Variants in GABRA6 observed in about 807,000 individuals in gnomAD.
GABRA6 encodes the protein gamma-aminobutyric acid type A receptor subunit alpha6, also known as gamma-aminobutyric acid receptor subunit alpha-6.
In GABRA6, 45 loss-of-function variants were observed where a neutral mutation model predicts 47.3. The ratio of observed to expected loss-of-function variants is 0.95; its 90% confidence interval spans 0.75 to 1.22. GABRA6 has a LOEUF of 1.22. Ranked by LOEUF, GABRA6 falls within the 50% of genes most tolerant of loss-of-function variation. The probability of loss-of-function intolerance (pLI) is 0.00; values close to 1 mark genes in which losing one functional copy is unlikely to be tolerated. For synonymous variants in GABRA6, 219 were observed against 194.7 expected, an observed-to-expected ratio of 1.12 and a Z score of -1.04; for missense variants, 583 against 549.3, an observed-to-expected ratio of 1.06 and a Z score of -0.61.
At chr5:161,695,130 T>C (rs1754865933) in intron 8 of GABRA6, among the ~76,000 whole-genome samples, 1 of 152,182 alleles carries the variant, frequency 6.6e-6, no homozygotes. Context: ...GTTGTATATT[T>C]TAATATGTTC....
chr5:161,697,323 C>CG (rs1754901598), intron 8 of GABRA6, among the ~76,000 whole-genome samples: 1 of 152,192 alleles, frequency 6.6e-6, no homozygotes, highest in Admixed American at 6.5e-5. Flanking sequence ...GTAGCTTAAA[C>CG]GGCTCACAAA....
At chr5:161,688,496 T>C (rs928402344) in intron 3 of GABRA6, among the ~76,000 whole-genome samples, 1 of 152,174 alleles carries the variant, frequency 6.6e-6, no homozygotes, top group African/African-American at 2.4e-5. Context: ...AAGGTTTATC[T>C]ATGTGTGGAA....
intron 3 of GABRA6, 85 bp downstream of exon 3, chr5:161,687,088 C>A: frequency 1.9e-6 from 2 of 1,072,870 alleles, no homozygotes; most frequent in Non-Finnish European, 2.9e-6. Context: ...GCATTGCCGC[C>A]AAGCTTGGCT....
Position 161,689,347 on chromosome 5 carries a change from A to G in GABRA6, c.529+11A>G. The G allele has an allele frequency of 6.8e-6, 11 of 1,610,928 alleles. No individual in the cohort carries two copies. Among genetic ancestry groups the G allele is most frequent in the Non-Finnish European group, 9.3e-6 (11 of 1,177,114 alleles). On this transcript the variant is annotated intron_variant, in intron 5 of 8. Transcript: ENST00000274545. ...TCAAGTTTGGGAGCTGTAAGTTACA[A>G]CAGGCTTCTGAGAGTCAAATAATAC...
chr5:161,693,193 C>A (rs1377248841), intron 8 of GABRA6, among the ~76,000 whole-genome samples: 3 of 151,960 alleles, frequency 2.0e-5, no homozygotes, highest in African/African-American at 4.8e-5. Context: ...AGTTTTAAAG[C>A]GATTTGTTTT....
intron 8 of GABRA6, among the ~76,000 whole-genome samples, chr5:161,696,334 C>T (rs1754885586): frequency 6.7e-6 from 1 of 150,196 alleles, no homozygotes; most frequent in African/African-American, 2.5e-5. Context: ...ACCTTGCCTA[C>T]TCCAAATATT....
At chr5:161,690,743 A>T (rs1754775615) in intron 7 of GABRA6, among the ~76,000 whole-genome samples, 1 of 152,232 alleles carries the variant, frequency 6.6e-6, no homozygotes, top group Admixed American at 6.5e-5. Flanking sequence ...GTTGAACCAT[A>T]TAAAATTGTC....
intron 2 of GABRA6, 53 bp downstream of exon 2, chr5:161,686,401 T>G: frequency 7.1e-7 from 1 of 1,409,326 alleles, no homozygotes; most frequent in East Asian, 2.3e-5. Context: ...TTCCTCCGTT[T>G]CTGCCCTTTG....
Position 161,702,349 on chromosome 5 carries a change from A to G in GABRA6, c.*576A>G, listed in dbSNP as rs1667376370. 6.4e-6 allele frequency: 1 copy of G among 157,134 alleles called. No individual in the cohort carries two copies. The highest frequency in any genetic ancestry group is 1.4e-5 in the Non-Finnish European group (1 of 70,914). 9.7% of individuals were successfully genotyped at this position (157,134 alleles called of 1,614,324 possible). On this transcript the variant is annotated 3_prime_UTR_variant, in exon 9 of 9. Coordinates refer to ENST00000274545, the MANE Select transcript of GABRA6 (RefSeq NM_000811.3). ...TACCTCAATAAAATGTGGTGTTTGT[A>G]TACATATAAATTATACATAGCTCAT... is the stretch of plus-strand genomic sequence containing the variant.
intron 8 of GABRA6, among the ~76,000 whole-genome samples, chr5:161,693,662 A>AT (rs1224566158): frequency 6.6e-6 from 1 of 151,640 alleles, no homozygotes. Context: ...AAAAATAAAA[A>AT]AAAAAATTGC....
intron 8 of GABRA6, among the ~76,000 whole-genome samples, chr5:161,694,626 G>C (rs1041752156): frequency 4.6e-5 from 7 of 152,068 alleles, no homozygotes; most frequent in Non-Finnish European, 1.0e-4. Flanking sequence ...AAAATGGTAT[G>C]TAAATTATCT....
intron 2 of GABRA6, among the ~76,000 whole-genome samples, chr5:161,686,626 T>C (rs1424409549): frequency 6.6e-6 from 1 of 152,234 alleles, no homozygotes. Flanking sequence ...AGATTATTCA[T>C]GTAAAACAGT....
intron 3 of GABRA6, among the ~76,000 whole-genome samples, chr5:161,687,844 G>C (rs1754727626): frequency 6.6e-6 from 1 of 152,142 alleles, no homozygotes; most frequent in South Asian, 2.1e-4. Flanking sequence ...AAGAGAAAGG[G>C]ATATGGAGGA....
chr5:161,687,070 G>A, intron 3 of GABRA6, 67 bp downstream of exon 3: 1 of 1,272,854 alleles, frequency 7.9e-7, no homozygotes, highest in Non-Finnish European at 1.2e-6. Context: ...CAAAACTAAT[G>A]ATAATGGGCA....
chr5:161,699,034 A>G (rs1184346505), intron 8 of GABRA6, among the ~76,000 whole-genome samples: 2 of 152,220 alleles, frequency 1.3e-5, no homozygotes, highest in Non-Finnish European at 2.9e-5. Context: ...CAGATTCACA[A>G]ATGACTGCCC....
At chr5:161,693,366 T>G (rs1754835849) in intron 8 of GABRA6, among the ~76,000 whole-genome samples, 2 of 152,230 alleles carry the variant, frequency 1.3e-5, no homozygotes, top group Non-Finnish European at 2.9e-5. Flanking sequence ...TAAGGATTTT[T>G]TATTAGCCCT....
chr5:161,699,436 T>C (rs147083838), intron 8 of GABRA6, among the ~76,000 whole-genome samples: 132 of 152,212 alleles, frequency 8.7e-4, no homozygotes, highest in African/African-American at 2.3e-3. Context: ...AGAAACATGA[T>C]AGAAAATTCT....
At chr5:161,689,824 C>T (rs759611967) in intron 6 of GABRA6, 45 bp downstream of exon 6, 2 of 1,548,474 alleles carry the variant, frequency 1.3e-6, no homozygotes, top group South Asian at 2.2e-5. Flanking sequence ...CAGGATGACT[C>T]CAGTGCACAT....
chr5:161,701,247 C>G (rs1181761862), intron 8 of GABRA6, among the ~76,000 whole-genome samples: 1 of 152,106 alleles, frequency 6.6e-6, no homozygotes, highest in Non-Finnish European at 1.5e-5. Context: ...ATGAAACATG[C>G]TTTGTGTTGT....
Sources: allele counts gnomAD v4.1 joint callset (sites outside exome capture counted in the v4.1 genomes callset), GRCh38; gene constraint gnomAD v4.1.1; transcripts MANE v1.5; gene names NCBI Gene and HGNC (gene_info 2026-07-23, HGNC 2026-07-21).